ADAMTS19: variants seen among roughly 807,000 people sequenced by gnomAD.
ADAMTS19 encodes ADAM metallopeptidase with thrombospondin type 1 motif 19.
ADAMTS19 carries 93 observed loss-of-function variants against 153.3 expected under a neutral mutation model. The ratio of observed to expected loss-of-function variants is 0.61; its 90% CI spans 0.51 to 0.72. The LOEUF (loss-of-function observed/expected upper bound fraction) is 0.72. ADAMTS19 is among the 30% of genes least tolerant of loss of function. ADAMTS19 has a pLI of 0.00. For missense variants in ADAMTS19, 1,482 were observed against 1,552.1 expected, an observed-to-expected ratio of 0.95 and a Z score of 0.76; for synonymous variants, 600 against 556.6, an observed-to-expected ratio of 1.08 and a Z score of -1.10.
chr5:129,736,041 TTC>T (rs1249719442), intron 22 of ADAMTS19, among the ~76,000 whole-genome samples: 1 of 152,050 alleles, frequency 6.6e-6, no homozygotes, highest in Non-Finnish European at 1.5e-5. Context: ...AATACAAAAA[TTC>T]TCTTTTTAGG....
chr5:129,514,777 A>G lies in ADAMTS19; in HGVS notation c.913+5535A>G, dbSNP rs1459561232. 2.0e-5 allele frequency among the ~76,000 whole-genome samples: 3 copies of G among 152,080 alleles called. No homozygotes were observed. In the East Asian group the frequency reaches 5.8e-4, roughly 29 times the overall value. On this transcript the variant is annotated intron_variant, in intron 3 of 22. Transcript: ENST00000274487. Reference sequence around the variant, plus strand: ...TTAATTGTATCCTTTGCCGTGCAGAAGCTTTTTAACTTGATGTGATCCCAT... The same window carrying G: ...TTAATTGTATCCTTTGCCGTGCAGAGGCTTTTTAACTTGATGTGATCCCAT...
In ADAMTS19 at chr5:129,737,238, AT is replaced by A. The variant is rs778560795; in HGVS notation, c.*21del. On this transcript the variant is annotated 3_prime_UTR_variant, in exon 23 of 23. Transcript: ENST00000274487. ...AGTTGACCTCTAGCAGGCTGGCTGG[AT>A]CACAGCTCTTGGCAATTACATTATT... The A allele has an allele frequency of 6.4e-7, 1 of 1,572,942 alleles. No homozygotes were observed. Among genetic ancestry groups the A allele is most frequent in the South Asian group, 1.1e-5 (1 of 87,032 alleles).
At chr5:129,565,763 T>C (rs1218390484) in intron 7 of ADAMTS19, among the ~76,000 whole-genome samples, 1 of 152,168 alleles carries the variant, frequency 6.6e-6, no homozygotes, top group African/African-American at 2.4e-5. Flanking sequence ...TACATATCTC[T>C]TAAACATAGA....
intron 21 of ADAMTS19, among the ~76,000 whole-genome samples, chr5:129,731,641 T>C (rs915169120): frequency 6.6e-6 from 1 of 152,106 alleles, no homozygotes; most frequent in East Asian, 1.9e-4. Context: ...AGAATGCTTC[T>C]TGTGCTAAGA....
intron 10 of ADAMTS19, among the ~76,000 whole-genome samples, chr5:129,629,430 A>G (rs920803805): frequency 6.6e-6 from 1 of 152,074 alleles, no homozygotes. Context: ...TGTATGTTTC[A>G]GGCAAAATCT....
chr5:129,526,530 T>C (rs560850003), intron 4 of ADAMTS19, 74 bp downstream of exon 4: 14 of 1,396,454 alleles, frequency 1.0e-5, no homozygotes, highest in Non-Finnish European at 1.4e-5. Flanking sequence ...GTATTTATAA[T>C]GAAATTCTTT....
chr5:129,504,242 T>A (rs1315521997), intron 2 of ADAMTS19, among the ~76,000 whole-genome samples: 1 of 152,216 alleles, frequency 6.6e-6, no homozygotes, highest in African/African-American at 2.4e-5. Context: ...ACTTGTCTTA[T>A]GCAAATCCTG....
Position 129,720,164 on chromosome 5 carries a change from A to T in ADAMTS19, c.3313-14768A>T, listed in dbSNP as rs952776886. Among the ~76,000 whole-genome samples, 382 of 140,692 alleles carry T rather than the reference A, an allele frequency of 2.7e-3. 1 individual carries two copies. Among genetic ancestry groups the T allele is most frequent in the African/African-American group, 0.01 (353 of 35,032 alleles). 92.3% of individuals were successfully genotyped at this position (140,692 alleles called of 152,430 possible). ...TGTGTGTATGTATATATATATATAT[A>T]TATATATTTATTTTTTTTTTTTTTG... On this transcript the variant is annotated intron_variant, in intron 21 of 22. Transcript: ENST00000274487.
chr5:129,513,019 C>T (rs1751489844), intron 3 of ADAMTS19, among the ~76,000 whole-genome samples: 1 of 151,814 alleles, frequency 6.6e-6, no homozygotes, highest in Non-Finnish European at 1.5e-5. Context: ...CAATTTTTCT[C>T]CTGACTTCCA....
At chr5:129,535,176 G>T (rs1454075460) in intron 6 of ADAMTS19, among the ~76,000 whole-genome samples, 1 of 152,144 alleles carries the variant, frequency 6.6e-6, no homozygotes, top group Non-Finnish European at 1.5e-5. Flanking sequence ...CATCATCTCA[G>T]CCCAAAATCT....
At chr5:129,620,151 G>A (rs1751713191) in intron 8 of ADAMTS19, among the ~76,000 whole-genome samples, 1 of 151,932 alleles carries the variant, frequency 6.6e-6, no homozygotes, top group South Asian at 2.1e-4. Context: ...GGAGGAAGAA[G>A]ATGGTCTAAT....
intron 8 of ADAMTS19, among the ~76,000 whole-genome samples, chr5:129,604,280 C>T (rs1184368701): frequency 6.6e-6 from 1 of 152,264 alleles, no homozygotes; most frequent in African/African-American, 2.4e-5. Flanking sequence ...ACTGCAGGAC[C>T]TAAGTACATG....
chr5:129,637,217 T>G (rs1752569701), intron 10 of ADAMTS19, among the ~76,000 whole-genome samples: 1 of 152,208 alleles, frequency 6.6e-6, no homozygotes, highest in Non-Finnish European at 1.5e-5. Context: ...TTGCTAAGAT[T>G]TTTAAGTGAA....
At chr5:129,497,658 C>T (rs1581008737) in intron 2 of ADAMTS19, among the ~76,000 whole-genome samples, 1 of 152,094 alleles carries the variant, frequency 6.6e-6, no homozygotes, top group Admixed American at 6.6e-5. Context: ...TTGGAGTAAT[C>T]CTCAATTCTT....
intron 21 of ADAMTS19, among the ~76,000 whole-genome samples, chr5:129,725,052 G>T (rs1048065506): frequency 4.6e-5 from 7 of 152,076 alleles, no homozygotes; most frequent in African/African-American, 1.7e-4. Context: ...TTTACAGGCT[G>T]CTCTTTGTTA....
chr5:129,731,890 A>C (rs1408276243), intron 21 of ADAMTS19, among the ~76,000 whole-genome samples: 1 of 151,824 alleles, frequency 6.6e-6, no homozygotes, highest in African/African-American at 2.4e-5. Context: ...TAAGCAAAAT[A>C]TTCTTTATCT....
chr5:129,701,701 C>A (rs972626041), intron 20 of ADAMTS19, 109 bp downstream of exon 20: 10 of 1,181,532 alleles, frequency 8.5e-6, no homozygotes, highest in Non-Finnish European at 1.0e-5. Flanking sequence ...TTTTTCTATA[C>A]TATTTATTAA....
chr5:129,665,738 C>T (rs1754021222), intron 16 of ADAMTS19, among the ~76,000 whole-genome samples, 159 bp downstream of exon 16: 1 of 151,980 alleles, frequency 6.6e-6, no homozygotes, highest in African/African-American at 2.4e-5. Context: ...TTTTCCTTCT[C>T]TCCCAAGGAC....
chr5:129,681,697 A>G (rs1013848945), intron 17 of ADAMTS19, among the ~76,000 whole-genome samples: 19 of 152,158 alleles, frequency 1.2e-4, no homozygotes, highest in Non-Finnish European at 7.3e-5. Context: ...CAAAGCTTAG[A>G]TCCAAGTTCT....
Sources: gnomAD v4.1 joint callset for allele counts (sites outside exome capture counted in the v4.1 genomes callset) on GRCh38, gnomAD v4.1.1 for gene constraint, MANE v1.5 for transcripts, NCBI Gene and HGNC (gene_info 2026-07-23, HGNC 2026-07-21) for gene names.